The following DCT variants were observed in gnomAD, a reference collection of about 807,000 sequenced individuals.
DCT encodes L-dopachrome tautomerase.
In DCT, 47 loss-of-function variants were observed where a neutral mutation model predicts 53.0. That is an observed-to-expected ratio of 0.89 (90% CI 0.70 to 1.13). DCT has a LOEUF of 1.13. DCT is among the 50% of genes most tolerant of loss of function. The pLI is 0.00. For missense variants in DCT, 669 were observed against 637.4 expected (o/e 1.05, Z -0.53); for synonymous variants, 244 against 237.0 (o/e 1.03, Z -0.27).
chr13:94,520,882 C>T, the DCT span, among the ~76,000 whole-genome samples: 481 of 152,246 alleles, frequency 3.2e-3, 3 homozygotes, highest in African/African-American at 0.011. Context: ...GTAAATCACA[C>T]GGTAAATATT....
At chr13:94,475,621 A>G (rs1330919335) in intron 1 of DCT, among the ~76,000 whole-genome samples, 1 of 152,228 alleles carries the variant, frequency 6.6e-6, no homozygotes, top group Non-Finnish European at 1.5e-5. Flanking sequence ...GTTAACAATA[A>G]GGCATTCGGC....
the DCT span, among the ~76,000 whole-genome samples, chr13:94,534,641 G>GA: frequency 6.6e-6 from 1 of 152,164 alleles, no homozygotes; most frequent in African/African-American, 2.4e-5. Context: ...TTGTTTGAAA[G>GA]AAAAAATGGA....
chr13:94,475,721 C>A (rs1316555671), intron 1 of DCT, among the ~76,000 whole-genome samples: 1 of 152,106 alleles, frequency 6.6e-6, no homozygotes, highest in East Asian at 1.9e-4. Context: ...CCACGAGGAA[C>A]CTTTGGAGAT....
intron 5 of DCT, among the ~76,000 whole-genome samples, chr13:94,460,771 A>C (rs1057264908): frequency 6.6e-6 from 1 of 152,194 alleles, no homozygotes; most frequent in Admixed American, 6.5e-5. Flanking sequence ...AAAAAAAAGA[A>C]AAAAGAAAAA....
At chr13:94,529,165 A>T in the DCT span, among the ~76,000 whole-genome samples, 6 of 152,168 alleles carry the variant, frequency 3.9e-5, no homozygotes, top group Non-Finnish European at 5.9e-5. Flanking sequence ...CTACAAAGAG[A>T]CTTAGACTCC....
intron 1 of DCT, among the ~76,000 whole-genome samples, chr13:94,470,559 T>C (rs774980616): frequency 1.1e-4 from 16 of 152,160 alleles, no homozygotes; most frequent in Non-Finnish European, 1.0e-4. Flanking sequence ...ATAATGCTTA[T>C]CTCCCAGAAG....
the DCT span, among the ~76,000 whole-genome samples, chr13:94,547,267 C>T: frequency 6.6e-6 from 1 of 151,908 alleles, no homozygotes. Flanking sequence ...CAGGCTTGTA[C>T]CACCACGCCC....
chr13:94,508,357 G>A, the DCT span, among the ~76,000 whole-genome samples: 2 of 152,206 alleles, frequency 1.3e-5, no homozygotes, highest in African/African-American at 2.4e-5. Context: ...CCCCAAGAAA[G>A]GTCTGTGCTG....
At chr13:94,478,895 C>T in intron 1 of DCT, 66 bp downstream of exon 1, 2 of 1,465,926 alleles carry the variant, frequency 1.4e-6, no homozygotes, top group East Asian at 4.6e-5. Context: ...AGTCTCATCT[C>T]TTCCTTAGAA....
At chr13:94,448,241 T>C (rs1882854265) in intron 6 of DCT, among the ~76,000 whole-genome samples, 1 of 151,556 alleles carries the variant, frequency 6.6e-6, no homozygotes, top group South Asian at 2.1e-4. Flanking sequence ...CGAGATACTG[T>C]CTCAACAACA....
At chr13:94,490,343 A>G in the DCT span, among the ~76,000 whole-genome samples, 3 of 151,682 alleles carry the variant, frequency 2.0e-5, no homozygotes, top group Non-Finnish European at 4.4e-5. Context: ...TGTCTCTACT[A>G]AAAATACAAA....
rs929353223 is a variant in DCT, at chr13:94,437,918, C to A, written c.*1980G>T. 6.7e-5 allele frequency: 10 copies of A among 149,672 alleles called. No homozygotes were observed. The highest frequency in any genetic ancestry group is 2.4e-4 in the African/African-American group (10 of 41,370). 9.3% of individuals were successfully genotyped at this position (149,672 alleles called of 1,614,324 possible). A position where few individuals can be genotyped will look rare whatever the true frequency, so the allele number is the denominator to read the frequency against. Reference sequence around the variant, plus strand: ...AAGTATAATCGATTACTATTTTTTCCTACCTAAGATAGATCTGCTTTAACC... The same window carrying A: ...AAGTATAATCGATTACTATTTTTTCATACCTAAGATAGATCTGCTTTAACC... On this transcript the variant is annotated 3_prime_UTR_variant, in exon 8 of 8. Coordinates refer to ENST00000377028, the MANE Select transcript of DCT (RefSeq NM_001922.5).
chr13:94,445,624 A>G (rs1041723870), intron 6 of DCT: 3 of 827,500 alleles, frequency 3.6e-6, no homozygotes, highest in Non-Finnish European at 5.9e-6. Flanking sequence ...CCTTCAAGCC[A>G]CTGAGTGTTT....
intron 5 of DCT, 58 bp downstream of exon 5, chr13:94,461,952 T>C: frequency 6.8e-7 from 1 of 1,461,878 alleles, no homozygotes; most frequent in Non-Finnish European, 9.4e-7. Flanking sequence ...TTCTTTACAA[T>C]CACAGGCATG....
chr13:94,548,988 T>C, the DCT span, among the ~76,000 whole-genome samples: 10 of 151,402 alleles, frequency 6.6e-5, no homozygotes, highest in Admixed American at 6.6e-4. Context: ...CTGGGGACTG[T>C]ACTTTGAGAA....
At chr13:94,511,127 A>C in the DCT span, among the ~76,000 whole-genome samples, 1 of 152,156 alleles carries the variant, frequency 6.6e-6, no homozygotes, top group South Asian at 2.1e-4. Context: ...GGACTTGAGG[A>C]TAAAACCCAA....
the DCT span, among the ~76,000 whole-genome samples, chr13:94,488,719 T>C: frequency 1.2e-5 from 1 of 83,540 alleles, no homozygotes; most frequent in East Asian, 2.9e-4. Flanking sequence ...TCTTGTCTAA[T>C]ATATACACAC....
At chr13:94,476,112 C>T (rs1217444972) in intron 1 of DCT, among the ~76,000 whole-genome samples, 2 of 149,988 alleles carry the variant, frequency 1.3e-5, no homozygotes, top group African/African-American at 4.9e-5. Context: ...GACTTCCTTA[C>T]AGCCTGGACT....
At chr13:94,465,384 T>G (rs1346015797) in intron 4 of DCT, 1 of 298,648 alleles carries the variant, frequency 3.3e-6, no homozygotes, top group Non-Finnish European at 6.2e-6. Flanking sequence ...ACTAATCTGA[T>G]AAAACTAACC....
Sources: allele counts gnomAD v4.1 joint callset (sites outside exome capture counted in the v4.1 genomes callset), GRCh38; gene constraint gnomAD v4.1.1; transcripts MANE v1.5; gene names NCBI Gene and HGNC (gene_info 2026-07-23, HGNC 2026-07-21).